MACROD2: variants seen among roughly 807,000 people sequenced by gnomAD.
MACROD2 encodes the protein ADP-ribose glycohydrolase MACROD2.
Under a neutral mutation model 70.4 loss-of-function variants are expected in MACROD2, and 36 were observed. The observed-to-expected ratio is 0.51, with a 90% CI of 0.39 to 0.68. The LOEUF (loss-of-function observed/expected upper bound fraction) is 0.68, where lower values mean the gene tolerates loss of function less well. Among genes scored for constraint, MACROD2 ranks in the 30% least tolerant of loss-of-function variants. The pLI is 0.00. For missense variants in MACROD2, 496 were observed against 538.4 expected (o/e 0.92, Z 0.78); for synonymous variants, 172 against 178.8 (o/e 0.96, Z 0.30).
At chr20:15,578,699 T>C (rs2048483549) in intron 8 of MACROD2, among the ~76,000 whole-genome samples, 2 of 25,380 alleles carry the variant, frequency 7.9e-5, no homozygotes, top group Non-Finnish European at 9.8e-4. Flanking sequence ...GTCGATAATA[T>C]TATTTTCCTG....
At chr20:15,766,283 G>A (rs1006112387) in intron 8 of MACROD2, among the ~76,000 whole-genome samples, 3 of 152,180 alleles carry the variant, frequency 2.0e-5, no homozygotes, top group Admixed American at 2.0e-4. Context: ...ATAGAAGCAA[G>A]CTGCCTTTCT....
intron 5 of MACROD2, among the ~76,000 whole-genome samples, chr20:15,001,538 T>G (rs1043637540): frequency 1.3e-5 from 2 of 152,162 alleles, no homozygotes; most frequent in Admixed American, 6.5e-5. Flanking sequence ...ATTATTATTA[T>G]TATTTTGTCA....
chr20:14,501,841 T>A (rs1011093959), intron 4 of MACROD2, among the ~76,000 whole-genome samples: 14 of 152,174 alleles, frequency 9.2e-5, no homozygotes, highest in African/African-American at 3.1e-4. Flanking sequence ...AGCTAAATGA[T>A]ACCTAAATGG....
chr20:15,444,756 T>C (rs1189412850), intron 7 of MACROD2, among the ~76,000 whole-genome samples: 2 of 152,120 alleles, frequency 1.3e-5, no homozygotes, highest in African/African-American at 2.4e-5. Context: ...TAGGCCTTAA[T>C]AACCTCAATT....
chr20:14,706,208 G>A (rs1397612357), intron 5 of MACROD2, among the ~76,000 whole-genome samples: 1 of 152,000 alleles, frequency 6.6e-6, no homozygotes, highest in Non-Finnish European at 1.5e-5. Context: ...CAGCTACTGT[G>A]GAGGCTGAGG....
intron 5 of MACROD2, among the ~76,000 whole-genome samples, chr20:15,006,261 A>C (rs1338144576): frequency 6.6e-6 from 1 of 151,788 alleles, no homozygotes; most frequent in Non-Finnish European, 1.5e-5. Context: ...CAGACAAAGA[A>C]AAATAGATCC....
intron 5 of MACROD2, among the ~76,000 whole-genome samples, chr20:14,694,034 G>A (rs556937684): frequency 6.6e-6 from 1 of 152,104 alleles, no homozygotes; most frequent in South Asian, 2.1e-4. Flanking sequence ...CAGGCCCCTT[G>A]TCCTCTAAGA....
At chr20:15,204,142 A>G (rs565386739) in intron 5 of MACROD2, among the ~76,000 whole-genome samples, 4 of 151,952 alleles carry the variant, frequency 2.6e-5, no homozygotes, top group African/African-American at 7.2e-5. Context: ...CCATTGTCCA[A>G]TTTTCTCACC....
At chr20:15,356,146 G>A (rs1355683528) in intron 6 of MACROD2, among the ~76,000 whole-genome samples, 1 of 152,032 alleles carries the variant, frequency 6.6e-6, no homozygotes, top group African/African-American at 2.4e-5. Flanking sequence ...AGGAGTCACT[G>A]GGTTCAAACC....
At chr20:14,578,574 T>C (rs1466436057) in intron 4 of MACROD2, among the ~76,000 whole-genome samples, 1 of 148,340 alleles carries the variant, frequency 6.7e-6, no homozygotes, top group East Asian at 1.9e-4. Flanking sequence ...TTTTACATTA[T>C]TATAGAGTAG....
At chr20:15,321,012 T>C (rs2077868623) in intron 6 of MACROD2, among the ~76,000 whole-genome samples, 1 of 152,208 alleles carries the variant, frequency 6.6e-6, no homozygotes, top group Non-Finnish European at 1.5e-5. Flanking sequence ...GTTCAGTTTG[T>C]GATAAGCACT....
At chr20:15,541,061 A>G (rs1037043494) in intron 8 of MACROD2, among the ~76,000 whole-genome samples, 2 of 152,216 alleles carry the variant, frequency 1.3e-5, no homozygotes, top group South Asian at 2.1e-4. Context: ...TAGAGATACA[A>G]TTCAATCCAC....
At chr20:14,936,840 A>T (rs1207764470) in intron 5 of MACROD2, among the ~76,000 whole-genome samples, 1 of 152,214 alleles carries the variant, frequency 6.6e-6, no homozygotes. Context: ...GCTAATAGCC[A>T]GAGAAACCAT....
At chr20:15,236,336 C>T (rs1339627326) in intron 6 of MACROD2, among the ~76,000 whole-genome samples, 1 of 152,174 alleles carries the variant, frequency 6.6e-6, no homozygotes, top group African/African-American at 2.4e-5. Context: ...AGTAAATTCA[C>T]AGGCTGTGCC....
At chr20:14,580,258 A>G (rs1980920076) in intron 4 of MACROD2, among the ~76,000 whole-genome samples, 1 of 152,204 alleles carries the variant, frequency 6.6e-6, no homozygotes, top group Admixed American at 6.5e-5. Flanking sequence ...GCTGAGCAAA[A>G]TCCCGATCAT....
intron 6 of MACROD2, among the ~76,000 whole-genome samples, chr20:15,418,265 G>C (rs1042408143): frequency 6.6e-6 from 1 of 152,218 alleles, no homozygotes; most frequent in Non-Finnish European, 1.5e-5. Flanking sequence ...CAGGGGAAGA[G>C]ACTGATAGCT....
intron 4 of MACROD2, among the ~76,000 whole-genome samples, chr20:14,563,054 G>T (rs987339893): frequency 6.6e-6 from 1 of 151,768 alleles, no homozygotes; most frequent in African/African-American, 2.4e-5. Flanking sequence ...CCTTTACTTG[G>T]GCTAGATTAG....
intron 2 of MACROD2, among the ~76,000 whole-genome samples, chr20:14,004,826 C>A (rs1437628240): frequency 6.6e-6 from 1 of 152,034 alleles, no homozygotes; most frequent in African/African-American, 2.4e-5. Flanking sequence ...AATTCCTTGT[C>A]ACTTAGTTTC....
chr20:14,347,027 T>C (rs961419084), intron 3 of MACROD2, among the ~76,000 whole-genome samples: 1 of 152,192 alleles, frequency 6.6e-6, no homozygotes, highest in Non-Finnish European at 1.5e-5. Flanking sequence ...AAGAAACTTT[T>C]TCGTGGTCTG....
Sources: gnomAD v4.1 joint callset for allele counts (sites outside exome capture counted in the v4.1 genomes callset) on GRCh38, gnomAD v4.1.1 for gene constraint, MANE v1.5 for transcripts, NCBI Gene and HGNC (gene_info 2026-07-23, HGNC 2026-07-21) for gene names.